Variants in LGSN observed in about 807,000 individuals in gnomAD.
LGSN encodes the protein lengsin.
In LGSN, 21 loss-of-function variants were observed where a neutral mutation model predicts 19.5. The observed-to-expected ratio is 1.07, with a 90% CI of 0.76 to 1.55. The LOEUF is 1.55. LGSN is among the 40% of genes most tolerant of loss of function. LGSN has a pLI of 0.00. For synonymous variants in LGSN, 257 were observed against 215.6 expected, an observed-to-expected ratio of 1.19 and a Z score of -1.68; for missense variants, 673 against 608.5, an observed-to-expected ratio of 1.11 and a Z score of -1.12.
the LGSN span, among the ~76,000 whole-genome samples, chr6:63,377,786 C>T: frequency 3.9e-3 from 593 of 151,298 alleles, 3 homozygotes; most frequent in East Asian, 0.011. Flanking sequence ...TGGTGGTGTG[C>T]GCCTCTAGTC....
At chr6:63,517,885 G>C in the LGSN span, among the ~76,000 whole-genome samples, 2 of 152,124 alleles carry the variant, frequency 1.3e-5, no homozygotes. Flanking sequence ...CAAGCTTGGT[G>C]GCTCACGCCT....
At chr6:63,535,501 C>T in the LGSN span, among the ~76,000 whole-genome samples, 4 of 152,226 alleles carry the variant, frequency 2.6e-5, no homozygotes, top group South Asian at 2.1e-4. Context: ...ATGCATTTCC[C>T]TCCTTAATTA....
chr6:63,530,990 A>T, the LGSN span, among the ~76,000 whole-genome samples: 3 of 152,242 alleles, frequency 2.0e-5, no homozygotes, highest in Non-Finnish European at 4.4e-5. Context: ...ACCTAGCTTT[A>T]TAATTTCAAC....
At chr6:63,425,054 G>A in the LGSN span, among the ~76,000 whole-genome samples, 8 of 152,264 alleles carry the variant, frequency 5.3e-5, 1 homozygote, top group South Asian at 4.1e-4. Context: ...AGGGAATTAC[G>A]GATTAAAGCA....
chr6:63,432,184 A>AAAGAAAGAAAGAAAAGGAAAG, the LGSN span, among the ~76,000 whole-genome samples: 1 of 26,616 alleles, frequency 3.8e-5, no homozygotes, highest in Admixed American at 3.1e-4. Context: ...GGAAAGAAAG[A>AAAGAAAGAAAGAAAAGGAAAG]AAAGAAAAGA....
chr6:63,408,948 T>C, the LGSN span, among the ~76,000 whole-genome samples: 5 of 152,370 alleles, frequency 3.3e-5, no homozygotes, highest in Middle Eastern at 3.4e-3. Flanking sequence ...TCTTACTCTA[T>C]TGCCCAGGCT....
chr6:63,471,522 C>T, the LGSN span, among the ~76,000 whole-genome samples: 1 of 151,702 alleles, frequency 6.6e-6, no homozygotes, highest in Non-Finnish European at 1.5e-5. Flanking sequence ...AAAAATTAGC[C>T]AGGTATGGTG....
chr6:63,368,476 C>T, the LGSN span, among the ~76,000 whole-genome samples: 1 of 152,170 alleles, frequency 6.6e-6, no homozygotes, highest in Non-Finnish European at 1.5e-5. Context: ...ACTTGCTGCT[C>T]TCCTCTAGAC....
At chr6:63,306,959 C>A (rs1045476063) in intron 1 of LGSN, among the ~76,000 whole-genome samples, 5 of 152,112 alleles carry the variant, frequency 3.3e-5, no homozygotes, top group Non-Finnish European at 7.3e-5. Context: ...AACTACCACA[C>A]AACTAGGTCT....
At chr6:63,430,694 C>T in the LGSN span, among the ~76,000 whole-genome samples, 2 of 151,970 alleles carry the variant, frequency 1.3e-5, no homozygotes, top group Non-Finnish European at 2.9e-5. Flanking sequence ...AGCCTAAAAT[C>T]GTTTAAATTT....
the LGSN span, among the ~76,000 whole-genome samples, chr6:63,505,941 G>A: frequency 6.6e-6 from 1 of 152,092 alleles, no homozygotes; most frequent in Non-Finnish European, 1.5e-5. Context: ...GAGCCACTGC[G>A]CCCAGCCGTC....
chr6:63,311,348 A>G (rs1336185352), intron 1 of LGSN, among the ~76,000 whole-genome samples: 1 of 152,170 alleles, frequency 6.6e-6, no homozygotes, highest in Non-Finnish European at 1.5e-5. Context: ...GGTGTTGGCT[A>G]TTGTTTCTGC....
the LGSN span, among the ~76,000 whole-genome samples, chr6:63,452,576 T>C: frequency 3.3e-5 from 5 of 152,114 alleles, no homozygotes; most frequent in Non-Finnish European, 7.4e-5. Context: ...AAATTCATAA[T>C]ATATTTATTT....
At chr6:63,455,752 C>A in the LGSN span, among the ~76,000 whole-genome samples, 1 of 151,386 alleles carries the variant, frequency 6.6e-6, no homozygotes, top group South Asian at 2.1e-4. Context: ...GAAACTCCGT[C>A]TCAAAATAAA....
intron 2 of LGSN, among the ~76,000 whole-genome samples, chr6:63,286,843 A>C (rs1767559447): frequency 6.6e-6 from 1 of 152,206 alleles, no homozygotes; most frequent in Non-Finnish European, 1.5e-5. Flanking sequence ...ATAACATATG[A>C]CCTACTTCAT....
the LGSN span, among the ~76,000 whole-genome samples, chr6:63,405,770 T>A: frequency 1.3e-5 from 2 of 152,104 alleles, no homozygotes; most frequent in Non-Finnish European, 2.9e-5. Context: ...GTGTGCTGTA[T>A]TCAGGAAACC....
chr6:63,336,057 C>T, the LGSN span, among the ~76,000 whole-genome samples: 13 of 151,902 alleles, frequency 8.6e-5, no homozygotes, highest in South Asian at 2.1e-4. Context: ...AGACAGATAT[C>T]GCAAACTGGT....
At chr6:63,378,408 C>T in the LGSN span, among the ~76,000 whole-genome samples, 1 of 152,086 alleles carries the variant, frequency 6.6e-6, no homozygotes, top group Non-Finnish European at 1.5e-5. Flanking sequence ...AAAGTAGGGG[C>T]AGATGTAATG....
At chr6:63,440,334 C>T in the LGSN span, among the ~76,000 whole-genome samples, 1 of 152,176 alleles carries the variant, frequency 6.6e-6, no homozygotes, top group Non-Finnish European at 1.5e-5. Context: ...CTGGCCTCCT[C>T]AGTTCCTGTG....
Sources: allele counts gnomAD v4.1 joint callset (sites outside exome capture counted in the v4.1 genomes callset), GRCh38; gene constraint gnomAD v4.1.1; transcripts MANE v1.5; gene names NCBI Gene and HGNC (gene_info 2026-07-23, HGNC 2026-07-21).